Variants in MAPK8 observed in about 807,000 individuals in gnomAD.
MAPK8 encodes the protein JUN N-terminal kinase.
Under a neutral mutation model 52.9 loss-of-function variants are expected in MAPK8, and 13 were observed. The ratio of observed to expected loss-of-function variants is 0.25; its 90% CI spans 0.16 to 0.39. The LOEUF (loss-of-function observed/expected upper bound fraction) is 0.39. MAPK8 is among the 10% of genes least tolerant of loss of function. The pLI is 1.00. For missense variants in MAPK8, 300 were observed against 519.2 expected (o/e 0.58, Z 4.10); for synonymous variants, 191 against 169.8 (o/e 1.12, Z -0.97).
At chr10:48,420,395 T>C in intron 6 of MAPK8, 75 bp downstream of exon 6, 1 of 1,348,632 alleles carries the variant, frequency 7.4e-7, no homozygotes, top group South Asian at 1.6e-5. Flanking sequence ...TTAATGTAAA[T>C]ACTTAAGCAG....
chr10:48,337,164 A>C (rs771902257), intron 1 of MAPK8, among the ~76,000 whole-genome samples: 9 of 152,142 alleles, frequency 5.9e-5, no homozygotes, highest in Non-Finnish European at 1.0e-4. Flanking sequence ...ACCACAGAAT[A>C]CACATTTTAC....
intron 1 of MAPK8, among the ~76,000 whole-genome samples, chr10:48,375,991 C>G (rs1244304081): frequency 6.6e-6 from 1 of 152,158 alleles, no homozygotes; most frequent in Non-Finnish European, 1.5e-5. Flanking sequence ...TCAAACTATA[C>G]TACAAGGCTA....
At chr10:48,320,211 C>CT (rs71026206) in intron 1 of MAPK8, among the ~76,000 whole-genome samples, 785 of 35,258 alleles carry the variant, frequency 0.022, 114 homozygotes, top group East Asian at 0.061. Flanking sequence ...ACTGCTCGGC[C>CT]TTTTTTTTTT....
chr10:48,426,963 G>T, intron 9 of MAPK8, 117 bp from the exon 10 acceptor site: 1 of 716,672 alleles, frequency 1.4e-6, no homozygotes. Context: ...TGATTGATCA[G>T]TCTTGATCTA....
At chr10:48,348,185 G>A (rs978385915) in intron 1 of MAPK8, among the ~76,000 whole-genome samples, 1 of 152,194 alleles carries the variant, frequency 6.6e-6, no homozygotes, top group African/African-American at 2.4e-5. Context: ...CTGCATAAAT[G>A]TCTTCTTTTG....
intron 1 of MAPK8, among the ~76,000 whole-genome samples, chr10:48,382,547 C>T (rs1271618366): frequency 2.6e-5 from 4 of 151,914 alleles, no homozygotes; most frequent in African/African-American, 9.7e-5. Context: ...ATTCAAAGTT[C>T]ATAAATAGAA....
At chr10:48,307,082 TGTCCTCTCGC>T (rs1841429835) in intron 1 of MAPK8, 1 of 152,230 alleles carries the variant, frequency 6.6e-6, no homozygotes, top group African/African-American at 2.4e-5. Flanking sequence ...CCCGCCCGCC[TGTCCTCTCGC>T]GTCCTCTTCG....
At chr10:48,349,225 A>G (rs550320326) in intron 1 of MAPK8, among the ~76,000 whole-genome samples, 1 of 152,270 alleles carries the variant, frequency 6.6e-6, no homozygotes, top group East Asian at 1.9e-4. Context: ...CGAGACAGAA[A>G]ATTAACAAGG....
chr10:48,432,267 C>G (rs1365075236), intron 11 of MAPK8, among the ~76,000 whole-genome samples: 2 of 152,108 alleles, frequency 1.3e-5, no homozygotes, highest in Admixed American at 1.3e-4. Context: ...TATCTAGCAT[C>G]TTGTATATGG....
intron 1 of MAPK8, among the ~76,000 whole-genome samples, chr10:48,386,145 T>G (rs2041298386): frequency 6.6e-6 from 1 of 152,176 alleles, no homozygotes; most frequent in Non-Finnish European, 1.5e-5. Flanking sequence ...CAGCATTTTC[T>G]TTTATGAGCC....
At chr10:48,330,738 A>C (rs983806724) in intron 1 of MAPK8, among the ~76,000 whole-genome samples, 3 of 152,306 alleles carry the variant, frequency 2.0e-5, no homozygotes, top group African/African-American at 7.2e-5. Context: ...ATGGGGTTAC[A>C]GTCTTCCCGG....
chr10:48,422,404 G>A (rs2043419597), intron 6 of MAPK8, among the ~76,000 whole-genome samples: 1 of 152,148 alleles, frequency 6.6e-6, no homozygotes, highest in Non-Finnish European at 1.5e-5. Flanking sequence ...TTGGAAAGCA[G>A]TGTAATCAAT....
At chr10:48,330,659 G>A (rs184679266) in intron 1 of MAPK8, among the ~76,000 whole-genome samples, 4 of 152,282 alleles carry the variant, frequency 2.6e-5, no homozygotes, top group Admixed American at 2.6e-4. Context: ...CACACCCGGG[G>A]CAGGTACAGC....
chr10:48,340,477 AC>A, intron 1 of MAPK8, among the ~76,000 whole-genome samples: 1 of 152,144 alleles, frequency 6.6e-6, no homozygotes, highest in East Asian at 1.9e-4. Flanking sequence ...AGAAGCTCAG[AC>A]CCCAGAATTA....
intron 1 of MAPK8, among the ~76,000 whole-genome samples, chr10:48,359,979 G>C (rs774387502): frequency 1.3e-5 from 2 of 152,124 alleles, no homozygotes; most frequent in Non-Finnish European, 2.9e-5. Flanking sequence ...AACTAGAGAA[G>C]ATATTTGCAA....
intron 1 of MAPK8, among the ~76,000 whole-genome samples, chr10:48,389,647 T>G (rs778388536): frequency 4.6e-5 from 7 of 152,218 alleles, no homozygotes; most frequent in Non-Finnish European, 8.8e-5. Flanking sequence ...TTTGTTCACT[T>G]GTTCATTGGT....
At chr10:48,395,273 T>G (rs1185089001) in intron 1 of MAPK8, among the ~76,000 whole-genome samples, 1 of 152,020 alleles carries the variant, frequency 6.6e-6, no homozygotes, top group East Asian at 1.9e-4. Context: ...GAAAGCTACA[T>G]TACTCAAGAC....
chr10:48,319,832 G>A lies in MAPK8; in HGVS notation c.-50+13011G>A, dbSNP rs138648794. ...ATGTAAGTGGAATCATACACTGTGC[G>A]ATCTTTTGTGACTGGCTTATTTCAC... is the stretch of plus-strand genomic sequence containing the variant. On this transcript the variant is annotated intron_variant, in intron 1 of 11. Coordinates refer to ENST00000374189, the MANE Select transcript of MAPK8 (RefSeq NM_001323329.2). Among the ~76,000 whole-genome samples, 22 of 152,094 alleles carry A rather than the reference G, an allele frequency of 1.4e-4. No homozygotes were observed. In the South Asian group the frequency reaches 2.7e-3, roughly 19 times the overall value.
chr10:48,390,482 G>A (rs1002659149), intron 1 of MAPK8, among the ~76,000 whole-genome samples: 2 of 152,180 alleles, frequency 1.3e-5, no homozygotes, highest in African/African-American at 4.8e-5. Flanking sequence ...GATGATTACA[G>A]CTGTCTTAAA....
Sources: allele counts gnomAD v4.1 joint callset (sites outside exome capture counted in the v4.1 genomes callset), GRCh38; gene constraint gnomAD v4.1.1; transcripts MANE v1.5; gene names NCBI Gene and HGNC (gene_info 2026-07-23, HGNC 2026-07-21).